Variants in LRGUK observed in about 807,000 individuals in gnomAD.
The protein encoded by LRGUK is leucine rich repeats and guanylate kinase domain containing, also known as leucine-rich repeat and guanylate kinase domain-containing protein.
Under a neutral mutation model 76.0 loss-of-function variants are expected in LRGUK, and 65 were observed. That is an observed-to-expected ratio of 0.85 (90% CI 0.70 to 1.05). The LOEUF is 1.05. Ranked by LOEUF, LRGUK falls within the 50% of genes least tolerant of loss-of-function variation. The pLI, the probability that LRGUK is intolerant of heterozygous loss-of-function variation, is 0.00. For synonymous variants in LRGUK, 268 were observed against 265.6 expected (o/e 1.01, Z -0.09); for missense variants, 758 against 732.8 (o/e 1.03, Z -0.40).
intron 5 of LRGUK, among the ~76,000 whole-genome samples, chr7:134,154,711 G>A (rs1435761941): frequency 1.3e-5 from 2 of 152,312 alleles, no homozygotes; most frequent in Middle Eastern, 3.4e-3. Context: ...AACCGCAATG[G>A]TACCTGCAGA....
intron 5 of LRGUK, 70 bp from the exon 6 acceptor site, chr7:134,157,965 T>C: frequency 9.0e-6 from 13 of 1,437,772 alleles, no homozygotes; most frequent in Non-Finnish European, 1.3e-5. Flanking sequence ...AGTGATGATT[T>C]AACACTGATT....
chr7:134,187,662 T>C (rs189321683), intron 11 of LRGUK, among the ~76,000 whole-genome samples: 2 of 152,334 alleles, frequency 1.3e-5, no homozygotes, highest in Admixed American at 1.3e-4. Context: ...CCTGGAGATA[T>C]ACATTTACTT....
chr7:134,267,876 C>T (rs1802885987), downstream of LRGUK, among the ~76,000 whole-genome samples: 1 of 151,840 alleles, frequency 6.6e-6, no homozygotes. Flanking sequence ...CAGCATCATG[C>T]AATATGCCAG....
intron 16 of LRGUK, among the ~76,000 whole-genome samples, chr7:134,238,271 T>C (rs930991307): frequency 1.2e-4 from 19 of 152,204 alleles, no homozygotes; most frequent in Non-Finnish European, 2.9e-5. Flanking sequence ...TGGATAACAG[T>C]GTGTGATACA....
In LRGUK at chr7:134,191,654, G is replaced by C; in HGVS notation, c.1335-1G>C. On this transcript the variant is annotated splice_acceptor_variant, in intron 11 of 15. Coordinates refer to ENST00000645682, the Ensembl canonical transcript of LRGUK. LOFTEE classifies it high-confidence loss of function. ...CTAGGTGATCTGTTTTATGATTTCA[G>C]GGCCTGTCATACCACAAGACCACCT... 1 of 1,602,124 alleles carries C rather than the reference G, an allele frequency of 6.2e-7. No homozygotes were observed. Among genetic ancestry groups the C allele is most frequent in the Non-Finnish European group, 8.5e-7 (1 of 1,170,780 alleles).
chr7:134,273,089 G>C, the LRGUK span, among the ~76,000 whole-genome samples: 2 of 152,212 alleles, frequency 1.3e-5, no homozygotes, highest in African/African-American at 4.8e-5. Flanking sequence ...ACCTCTCCAG[G>C]TGTGTGAACA....
At chr7:134,127,406 T>C in exon 1 of LRGUK, 2 of 1,612,342 alleles carry the variant, frequency 1.2e-6, no homozygotes, top group South Asian at 1.1e-5. Flanking sequence ...GGACCAGAGC[T>C]GCCTCTCTCC....
intron 16 of LRGUK, among the ~76,000 whole-genome samples, chr7:134,226,675 A>G (rs1462702966): frequency 6.6e-6 from 1 of 152,250 alleles, no homozygotes; most frequent in African/African-American, 2.4e-5. Flanking sequence ...GTAACCTTAC[A>G]AAAGCCACTT....
chr7:134,203,213 T>C (rs1449666906), intron 15 of LRGUK, among the ~76,000 whole-genome samples: 1 of 151,656 alleles, frequency 6.6e-6, no homozygotes, highest in Non-Finnish European at 1.5e-5. Context: ...AAAAAAAAAA[T>C]GGTTAAGATA....
At position 134,191,716 on chromosome 7, in the gene LRGUK, A is replaced by C. The variant is rs1237783943; in HGVS notation, c.1396A>C (p.Ile466Leu). The C allele has an allele frequency of 1.1e-5, 17 of 1,612,986 alleles. No individual in the cohort carries two copies. Among genetic ancestry groups the C allele is most frequent in the Non-Finnish European group, 1.4e-5 (16 of 1,179,464 alleles). The change falls in exon 12 of 16, where the codon ATC (isoleucine) becomes CTC (leucine). Residue 466 changes from isoleucine to leucine, a missense_variant. Physicochemically the swap from Ile to Leu is conservative, Grantham distance 5. Coordinates refer to ENST00000645682, the Ensembl canonical transcript of LRGUK. ...AGGGGATCGAGTTGATTATCATTTT[A>C]TCTCTCAAGACGTTTTTGATGAAAT...
chr7:134,268,340 C>A (rs766880338), downstream of LRGUK, among the ~76,000 whole-genome samples: 1 of 152,074 alleles, frequency 6.6e-6, no homozygotes, highest in Non-Finnish European at 1.5e-5. Context: ...ATACTACAAA[C>A]AACTCTACAT....
At chr7:134,174,754 G>C in intron 8 of LRGUK, 118 bp downstream of exon 8, 1 of 686,944 alleles carries the variant, frequency 1.5e-6, no homozygotes, top group Non-Finnish European at 2.6e-6. Flanking sequence ...AATGTGAATA[G>C]AGTTTGTCTA....
chr7:134,189,631 C>T (rs1800118420), intron 11 of LRGUK, among the ~76,000 whole-genome samples: 1 of 152,136 alleles, frequency 6.6e-6, no homozygotes, highest in Non-Finnish European at 1.5e-5. Flanking sequence ...CACTCAATTC[C>T]TTTGTTGAGA....
At chr7:134,128,462 C>CT (rs1797125094) in intron 1 of LRGUK, among the ~76,000 whole-genome samples, 2 of 152,176 alleles carry the variant, frequency 1.3e-5, no homozygotes, top group Admixed American at 1.3e-4. Flanking sequence ...TCTTCTTGTC[C>CT]TTTTCCACTT....
intron 10 of LRGUK, among the ~76,000 whole-genome samples, 197 bp downstream of exon 10, chr7:134,178,806 C>T (rs185409674): frequency 1.8e-3 from 272 of 150,848 alleles, no homozygotes; most frequent in Middle Eastern, 0.01. Context: ...ATATCATGTA[C>T]TTGAGTGTGT....
At chr7:134,171,564 G>T (rs921421228) in intron 7 of LRGUK, among the ~76,000 whole-genome samples, 1 of 151,794 alleles carries the variant, frequency 6.6e-6, no homozygotes, top group South Asian at 2.1e-4. Context: ...GAGGGAAATG[G>T]TAAAAGAAGA....
intron 7 of LRGUK, among the ~76,000 whole-genome samples, chr7:134,169,265 G>A (rs956292762): frequency 3.3e-5 from 5 of 151,954 alleles, no homozygotes; most frequent in African/African-American, 7.3e-5. Context: ...AGCCAAGCAA[G>A]GTCTGGAGTT....
At chr7:134,263,403 C>CTGTGTGTGTGTGTCTGTGTGTG (rs1554479224) in intron 19 of LRGUK, among the ~76,000 whole-genome samples, 1,469 of 142,254 alleles carry the variant, frequency 0.01, 25 homozygotes, top group African/African-American at 0.04. Context: ...CTTCACTTCA[C>CTGTGTGTGTGTGTCTGTGTGTG]TGTGTGTGTG....
At chr7:134,199,927 T>C (rs1800678509) in intron 14 of LRGUK, among the ~76,000 whole-genome samples, 1 of 145,742 alleles carries the variant, frequency 6.9e-6, no homozygotes, top group African/African-American at 2.5e-5. Context: ...TTTCTATATA[T>C]ATATGTACAT....
Sources: allele counts gnomAD v4.1 joint callset (sites outside exome capture counted in the v4.1 genomes callset), GRCh38; gene constraint gnomAD v4.1.1; transcripts MANE v1.5; gene names NCBI Gene and HGNC (gene_info 2026-07-23, HGNC 2026-07-21).